Variants in RGL1 observed in about 807,000 individuals in gnomAD.
The protein encoded by RGL1 is ral guanine nucleotide dissociation stimulator like 1.
In RGL1, 24 loss-of-function variants were observed where a neutral mutation model predicts 95.2. The observed-to-expected ratio is 0.25, with a 90% CI of 0.18 to 0.35. The LOEUF is 0.35. Ranked by LOEUF, RGL1 falls within the 10% of genes least tolerant of loss-of-function variation. The pLI is 1.00. For missense variants in RGL1, 715 were observed against 936.3 expected, an observed-to-expected ratio of 0.76 and a Z score of 3.08; for synonymous variants, 329 against 344.9, an observed-to-expected ratio of 0.95 and a Z score of 0.51.
intron 2 of RGL1, among the ~76,000 whole-genome samples, chr1:183,830,549 C>T (rs1663190713): frequency 6.6e-6 from 1 of 151,950 alleles, no homozygotes; most frequent in African/African-American, 2.4e-5. Context: ...TCTCTGTTTT[C>T]GAAGCAAACA....
At chr1:183,897,147 T>G (rs901270077) in intron 9 of RGL1, among the ~76,000 whole-genome samples, 7 of 152,254 alleles carry the variant, frequency 4.6e-5, no homozygotes, top group Admixed American at 3.3e-4. Flanking sequence ...GAGTTTAATT[T>G]GGGATCTGTA....
intron 1 of RGL1, among the ~76,000 whole-genome samples, chr1:183,672,015 C>A (rs762034650): frequency 2.0e-5 from 3 of 151,792 alleles, no homozygotes; most frequent in Non-Finnish European, 4.4e-5. Flanking sequence ...TCACTGCAAC[C>A]TCTGCCTCCC....
chr1:183,676,483 A>G (rs1652836900), intron 1 of RGL1, among the ~76,000 whole-genome samples: 1 of 151,818 alleles, frequency 6.6e-6, no homozygotes, highest in African/African-American at 2.4e-5. Flanking sequence ...ACAGTCTCAC[A>G]TTTCCTTGCC....
rs766605243 is a variant in RGL1, at chr1:183,912,185, G to T, written c.1666G>T (p.Val556Leu). The change falls in exon 15 of 18, where the codon GTG becomes TTG. Residue 556 changes from valine (V) to leucine (L), a missense_variant. Physicochemically the swap from Val to Leu is conservative, Grantham distance 32. This residue lies in a region of RGL1 where 330 missense variants were observed against 429.6 expected (regional missense o/e 0.77). Coordinates refer to ENST00000360851, the MANE Select transcript of RGL1 (RefSeq NM_001297671.3). ...SSGESMDSVS[V>L]SSCESNHSEA... ...TGGTGAAAGCATGGACTCTGTCAGC[G>T]TGTCATCCTGCGAGTCGAACCACTC... 3.7e-6 allele frequency: 6 copies of T among 1,613,948 alleles called. No individual in the cohort carries two copies. The highest frequency in any genetic ancestry group is 5.1e-6 in the Non-Finnish European group (6 of 1,180,034).
chr1:183,814,609 G>T (rs927234797), intron 2 of RGL1, among the ~76,000 whole-genome samples: 1 of 151,902 alleles, frequency 6.6e-6, no homozygotes, highest in Non-Finnish European at 1.5e-5. Context: ...TTTTTCCCTT[G>T]TTTCCTGCTG....
chr1:183,655,043 T>A (rs1651047648), intron 1 of RGL1, among the ~76,000 whole-genome samples: 2 of 152,236 alleles, frequency 1.3e-5, no homozygotes, highest in South Asian at 4.1e-4. Flanking sequence ...ACAGACTCCT[T>A]TCTTCTCTTT....
intron 15 of RGL1, among the ~76,000 whole-genome samples, chr1:183,914,198 C>T (rs972473834): frequency 2.6e-5 from 4 of 152,186 alleles, no homozygotes; most frequent in African/African-American, 9.7e-5. Flanking sequence ...ACAGTCACAC[C>T]TTGTGGCATA....
At chr1:183,734,561 T>G (rs1457210278) in intron 1 of RGL1, among the ~76,000 whole-genome samples, 3 of 152,204 alleles carry the variant, frequency 2.0e-5, no homozygotes, top group Non-Finnish European at 4.4e-5. Context: ...TCAGCTTAAT[T>G]TCCTTCAACT....
At chr1:183,694,023 A>G (rs1654114553) in intron 1 of RGL1, among the ~76,000 whole-genome samples, 1 of 152,202 alleles carries the variant, frequency 6.6e-6, no homozygotes, top group Admixed American at 6.5e-5. Context: ...ATGGCATGGC[A>G]CAACATGGCC....
intron 1 of RGL1, chr1:183,648,011 A>C: frequency 6.2e-7 from 1 of 1,614,216 alleles, no homozygotes; most frequent in Middle Eastern, 1.6e-4. Context: ...AGCTCTCTAA[A>C]GCCTCCTGAG....
intron 1 of RGL1, among the ~76,000 whole-genome samples, chr1:183,719,448 C>T (rs991437100): frequency 6.6e-6 from 1 of 151,996 alleles, no homozygotes; most frequent in Non-Finnish European, 1.5e-5. Flanking sequence ...TGGTTTCTCC[C>T]TGAGGACAAG....
rs904366697 is a variant in RGL1, at chr1:183,927,187, A to T, written c.*895A>T. ...AGAATGGTGACTCATTTGGACTCTT[A>T]TCTGTCTTGGAATGTCACTGCTTCA... On this transcript the variant is annotated 3_prime_UTR_variant, in exon 18 of 18. Coordinates refer to ENST00000360851, the MANE Select transcript of RGL1 (RefSeq NM_001297671.3). 1.2e-4 allele frequency: 19 copies of T among 152,612 alleles called. No homozygotes were observed. Among genetic ancestry groups the T allele is most frequent in the African/African-American group, 4.6e-4 (19 of 41,438 alleles). The allele number at this position is 152,612 out of a possible 1,614,324, so 9.5% of individuals were successfully genotyped here.
Position 183,724,205 on chromosome 1 carries a change from G to A in RGL1, c.-32-17921G>A, listed in dbSNP as rs1436795302. Among the ~76,000 whole-genome samples the A allele has an allele frequency of 3.3e-5, 5 of 152,164 alleles. No individual in the cohort carries two copies. Among genetic ancestry groups the A allele is most frequent in the African/African-American group, 1.2e-4 (5 of 41,448 alleles). On this transcript the variant is annotated intron_variant, in intron 1 of 18. Transcript: ENST00000304685. The surrounding 1 kb of genome is among the most constrained non-coding windows in gnomAD (Gnocchi z 4.1). The stretch of plus-strand genomic sequence containing the variant: ...GGTCTTGGGTGAGACTCTGAGATGT[G>A]CTGGCTTCAGGTGTGACACAGCACA...
At chr1:183,759,464 C>T (rs765108462) in intron 2 of RGL1, among the ~76,000 whole-genome samples, 3 of 152,130 alleles carry the variant, frequency 2.0e-5, no homozygotes, top group African/African-American at 4.8e-5. Context: ...GGTTAATTTG[C>T]ACATCAAAGG....
chr1:183,810,023 A>C (rs1228794703), intron 2 of RGL1, among the ~76,000 whole-genome samples: 1 of 152,216 alleles, frequency 6.6e-6, no homozygotes, highest in African/African-American at 2.4e-5. Flanking sequence ...GCAAAGTGTC[A>C]AAACTTGTTA....
chr1:183,725,667 A>G (rs981013168), intron 1 of RGL1, among the ~76,000 whole-genome samples: 22 of 152,212 alleles, frequency 1.4e-4, no homozygotes, highest in African/African-American at 5.3e-4. Flanking sequence ...CTAAACCTCA[A>G]AATTCATTAA....
intron 1 of RGL1, among the ~76,000 whole-genome samples, chr1:183,735,427 A>T (rs1656879292): frequency 6.6e-6 from 1 of 152,200 alleles, no homozygotes; most frequent in South Asian, 2.1e-4. Flanking sequence ...TCTATTTTTT[A>T]AAAGGGTGAT....
chr1:183,760,568 C>CAAGAAA (rs1658601369), intron 2 of RGL1, among the ~76,000 whole-genome samples: 1 of 50,720 alleles, frequency 2.0e-5, no homozygotes, highest in African/African-American at 8.0e-5. Context: ...CCAGTCTCTG[C>CAAGAAA]AAAAAAAAAA....
chr1:183,637,391 T>C lies in RGL1; in HGVS notation c.-33+890T>C, dbSNP rs574006039. Among the ~76,000 whole-genome samples, 6 of 152,326 alleles carry C rather than the reference T, an allele frequency of 3.9e-5. No individual in the cohort carries two copies. In the South Asian group the frequency reaches 1.2e-3, roughly 32 times the overall value. On this transcript the variant is annotated intron_variant, in intron 1 of 18. Coordinates refer to the RGL1 transcript ENST00000304685. ...AAGCATGCAGAAGGGACTCGATACA[T>C]GCTTGATGAATGAATGAAATGTGAA... is the stretch of plus-strand genomic sequence containing the variant.
Sources: gnomAD v4.1 joint callset for allele counts (sites outside exome capture counted in the v4.1 genomes callset) on GRCh38, gnomAD v4.1.1 for gene constraint, gnomAD v4.1.1 regional missense constraint, Gnocchi (gnomAD v3.1) non-coding constraint, MANE v1.5 for transcripts, NCBI Gene and HGNC (gene_info 2026-07-23, HGNC 2026-07-21) for gene names.